FAM117B: variants seen among roughly 807,000 people sequenced by gnomAD.
FAM117B encodes the protein family with sequence similarity 117 member B, also known as protein FAM117B.
A neutral mutation model predicts 52.8 loss-of-function variants in FAM117B; 22 were observed. That is an observed-to-expected ratio of 0.42 (90% CI 0.30 to 0.59). The LOEUF is 0.59. Among genes scored for constraint, FAM117B ranks in the 20% least tolerant of loss-of-function variants. The pLI, the probability that FAM117B is intolerant of heterozygous loss-of-function variation, is 0.22. For synonymous variants in FAM117B, 309 were observed against 324.1 expected (o/e 0.95, Z 0.50); for missense variants, 678 against 802.6 (o/e 0.84, Z 1.88).
chr2:202,660,583 AT>A (rs1440256259), intron 1 of FAM117B, among the ~76,000 whole-genome samples: 2 of 152,096 alleles, frequency 1.3e-5, no homozygotes, highest in Non-Finnish European at 2.9e-5. Flanking sequence ...TCATACATGG[AT>A]TTAGGAGTGT....
At chr2:202,636,985 C>T (rs1574535297) in intron 1 of FAM117B, among the ~76,000 whole-genome samples, 1 of 150,060 alleles carries the variant, frequency 6.7e-6, no homozygotes, top group East Asian at 2.0e-4. Context: ...CTGCAGCCTC[C>T]AACTCCCGGG....
intron 4 of FAM117B, among the ~76,000 whole-genome samples, chr2:202,743,724 A>C (rs890845056): frequency 9.2e-5 from 14 of 152,244 alleles, no homozygotes; most frequent in African/African-American, 2.7e-4. Context: ...ATGGAGCTGA[A>C]GAAATCAAAG....
At chr2:202,698,060 G>A (rs368903500) in intron 2 of FAM117B, among the ~76,000 whole-genome samples, 3 of 152,000 alleles carry the variant, frequency 2.0e-5, no homozygotes, top group Admixed American at 6.6e-5. Flanking sequence ...TAGTAGAGAC[G>A]GGGTTTTGCT....
At chr2:202,645,779 T>A (rs1188571150) in intron 1 of FAM117B, among the ~76,000 whole-genome samples, 1 of 151,634 alleles carries the variant, frequency 6.6e-6, no homozygotes, top group Admixed American at 6.6e-5. Flanking sequence ...AAATTTTTTG[T>A]ATTTTTAGTA....
chr2:202,761,090 G>A (rs1691879851), intron 7 of FAM117B, among the ~76,000 whole-genome samples: 1 of 152,146 alleles, frequency 6.6e-6, no homozygotes, highest in Non-Finnish European at 1.5e-5. Flanking sequence ...TAGAGATGGG[G>A]TTTTGGCATG....
At chr2:202,683,651 T>G (rs531846837) in intron 1 of FAM117B, among the ~76,000 whole-genome samples, 1 of 152,320 alleles carries the variant, frequency 6.6e-6, no homozygotes, top group African/African-American at 2.4e-5. Flanking sequence ...TGTATCTATT[T>G]AAAAATTCTT....
intron 1 of FAM117B, among the ~76,000 whole-genome samples, chr2:202,687,197 A>G (rs1690554405): frequency 1.3e-5 from 2 of 152,224 alleles, no homozygotes. Context: ...GACACAAAAC[A>G]GTATTATGTG....
chr2:202,640,295 AATAT>A lies in FAM117B; in HGVS notation c.601+4552_601+4555del, dbSNP rs539187347. Among the ~76,000 whole-genome samples, 473 of 51,230 alleles carry A rather than the reference AATAT, an allele frequency of 9.2e-3. 3 individuals carry two copies. Among genetic ancestry groups the A allele is most frequent in the South Asian group, 0.012 (18 of 1,450 alleles). 33.6% of individuals were successfully genotyped at this position (51,230 alleles called of 152,430 possible). A position where few individuals can be genotyped will look rare whatever the true frequency, so the allele number is the denominator to read the frequency against. ...ACAACAACCACCACCACCACCACAA[AATAT>A]ATATATATATATATATATATATATA... On this transcript the variant is annotated intron_variant, in intron 1 of 7. Transcript: ENST00000392238.
intron 4 of FAM117B, among the ~76,000 whole-genome samples, chr2:202,741,239 G>A (rs1177640067): frequency 6.6e-6 from 1 of 151,690 alleles, no homozygotes; most frequent in Non-Finnish European, 1.5e-5. Context: ...GGTCAACATG[G>A]TGAAACGCCA....
chr2:202,747,714 A>G (rs1691656397), intron 4 of FAM117B, among the ~76,000 whole-genome samples: 1 of 152,130 alleles, frequency 6.6e-6, no homozygotes, highest in African/African-American at 2.4e-5. Flanking sequence ...TAGCTAAAAA[A>G]GAACAACAAT....
chr2:202,682,121 C>T (rs751651769), intron 1 of FAM117B, among the ~76,000 whole-genome samples: 20 of 152,210 alleles, frequency 1.3e-4, no homozygotes, highest in Non-Finnish European at 2.4e-4. Flanking sequence ...TCCTTTTCAG[C>T]TCCTCTTCAC....
intron 1 of FAM117B, among the ~76,000 whole-genome samples, chr2:202,665,474 T>G (rs1176152377): frequency 6.6e-6 from 1 of 152,204 alleles, no homozygotes; most frequent in Non-Finnish European, 1.5e-5. Context: ...ATCTCCCCAT[T>G]AATAACTCAC....
intron 1 of FAM117B, among the ~76,000 whole-genome samples, chr2:202,655,761 A>AGTGTGTGTGTGTGTGTGTGT (rs1182174843): frequency 2.0e-5 from 2 of 100,374 alleles, no homozygotes; most frequent in African/African-American, 6.9e-5. Flanking sequence ...AGAGAGAGAG[A>AGTGTGTGTGTGTGTGTGTGT]GTGTGTGTGT....
intron 2 of FAM117B, among the ~76,000 whole-genome samples, chr2:202,722,707 A>G (rs1315296182): frequency 6.6e-6 from 1 of 152,112 alleles, no homozygotes; most frequent in African/African-American, 2.4e-5. Flanking sequence ...GGATCAGGGA[A>G]AATAGCTAAT....
chr2:202,642,334 G>C (rs906632134), intron 1 of FAM117B, among the ~76,000 whole-genome samples: 4 of 125,944 alleles, frequency 3.2e-5, no homozygotes, highest in Non-Finnish European at 4.8e-5. Context: ...TATATTCTTA[G>C]AATAAATAGA....
intron 1 of FAM117B, among the ~76,000 whole-genome samples, chr2:202,644,785 T>C (rs1402232960): frequency 6.6e-6 from 1 of 152,240 alleles, no homozygotes; most frequent in African/African-American, 2.4e-5. Flanking sequence ...GAATTGCTGT[T>C]GAGAATTTGG....
At chr2:202,646,507 C>T (rs1357784293) in intron 1 of FAM117B, among the ~76,000 whole-genome samples, 2 of 152,044 alleles carry the variant, frequency 1.3e-5, no homozygotes, top group Admixed American at 6.6e-5. Flanking sequence ...TGTGTAGTGT[C>T]CTTAAGTCCA....
intron 4 of FAM117B, among the ~76,000 whole-genome samples, chr2:202,736,787 A>G (rs1691444952): frequency 6.6e-6 from 1 of 152,066 alleles, no homozygotes; most frequent in South Asian, 2.1e-4. Context: ...CAATCAGCCA[A>G]TCATCAGTTT....
intron 4 of FAM117B, among the ~76,000 whole-genome samples, chr2:202,736,482 GC>G (rs1380303350): frequency 6.6e-6 from 1 of 152,062 alleles, no homozygotes. Context: ...TTGGCTGGGC[GC>G]AGGGCAGTGG....
Sources: gnomAD v4.1 joint callset for allele counts (sites outside exome capture counted in the v4.1 genomes callset) on GRCh38, gnomAD v4.1.1 for gene constraint, MANE v1.5 for transcripts, NCBI Gene and HGNC (gene_info 2026-07-23, HGNC 2026-07-21) for gene names.